Variants in MAGI2 observed in about 807,000 individuals in gnomAD.
The protein encoded by MAGI2 is membrane associated guanylate kinase, WW and PDZ domain containing 2, also known as membrane-associated guanylate kinase, WW and PDZ domain-containing protein 2.
MAGI2 carries 35 observed loss-of-function variants against 133.3 expected under a neutral mutation model. The ratio of observed to expected loss-of-function variants is 0.26; its 90% confidence interval spans 0.20 to 0.35. The LOEUF is 0.35. Among genes scored for constraint, MAGI2 ranks in the 10% least tolerant of loss-of-function variants. The probability of loss-of-function intolerance (pLI) is 1.00; values close to 1 mark genes in which losing one functional copy is unlikely to be tolerated. For missense variants in MAGI2, 1,636 were observed against 1,863.4 expected (o/e 0.88, Z 2.25); for synonymous variants, 729 against 710.6 (o/e 1.03, Z -0.41).
At chr7:78,590,371 G>A (rs900995631) in intron 3 of MAGI2, among the ~76,000 whole-genome samples, 1 of 152,176 alleles carries the variant, frequency 6.6e-6, no homozygotes, top group Non-Finnish European at 1.5e-5. Flanking sequence ...CATCAAGGAT[G>A]ACTGGCATAA....
chr7:78,808,063 G>A (rs37885), intron 2 of MAGI2, among the ~76,000 whole-genome samples: 52,459 of 151,770 alleles, frequency 0.35, 9,258 homozygotes, highest in East Asian at 0.52. Context: ...GTTAATGATC[G>A]ACTAAAAAGT....
intron 2 of MAGI2, among the ~76,000 whole-genome samples, chr7:78,891,020 A>G (rs1450479528): frequency 1.3e-5 from 2 of 152,192 alleles, no homozygotes; most frequent in East Asian, 3.8e-4. Flanking sequence ...AATCAAATAG[A>G]TGCAATAAAA....
At chr7:78,890,357 C>T (rs1410757779) in intron 2 of MAGI2, among the ~76,000 whole-genome samples, 1 of 152,192 alleles carries the variant, frequency 6.6e-6, no homozygotes, top group African/African-American at 2.4e-5. Context: ...GAATTGAACT[C>T]AGCTCTGCAC....
At chr7:78,923,201 G>C (rs1214404214) in intron 2 of MAGI2, among the ~76,000 whole-genome samples, 1 of 152,116 alleles carries the variant, frequency 6.6e-6, no homozygotes, top group East Asian at 1.9e-4. Flanking sequence ...AGTTTAATTA[G>C]ATCCCATTTG....
chr7:78,987,696 T>C (rs1282215894), intron 2 of MAGI2, among the ~76,000 whole-genome samples: 1 of 151,986 alleles, frequency 6.6e-6, no homozygotes. Flanking sequence ...TGAATAGCAA[T>C]AAGAATTTTA....
At chr7:78,157,098 C>T (rs1247925435) in intron 16 of MAGI2, among the ~76,000 whole-genome samples, 1 of 152,172 alleles carries the variant, frequency 6.6e-6, no homozygotes, top group Non-Finnish European at 1.5e-5. Flanking sequence ...TCAAAATTAT[C>T]ACAGATGTTA....
intron 2 of MAGI2, among the ~76,000 whole-genome samples, chr7:78,637,575 C>T (rs111410913): frequency 0.02 from 3,050 of 152,266 alleles, 42 homozygotes; most frequent in Middle Eastern, 0.082. Context: ...ATATACCAAG[C>T]TATCTGATTT....
At chr7:78,119,388 G>A (rs1442189127) in intron 20 of MAGI2, among the ~76,000 whole-genome samples, 3 of 151,684 alleles carry the variant, frequency 2.0e-5, no homozygotes, top group Non-Finnish European at 4.4e-5. Context: ...GTGAAACCCC[G>A]TCTCTACTAA....
intron 6 of MAGI2, among the ~76,000 whole-genome samples, chr7:78,456,218 T>A (rs1789307052): frequency 6.6e-6 from 1 of 151,940 alleles, no homozygotes; most frequent in Non-Finnish European, 1.5e-5. Flanking sequence ...TTATAAAGAG[T>A]GAGTTTTGTT....
chr7:78,968,668 A>C (rs76195100), intron 2 of MAGI2, among the ~76,000 whole-genome samples: 1 of 152,170 alleles, frequency 6.6e-6, no homozygotes, highest in African/African-American at 2.4e-5. Context: ...ACATTAAGCA[A>C]ATATGTTAAA....
At chr7:79,252,208 T>TGGTATATA (rs1833353512) in intron 1 of MAGI2, among the ~76,000 whole-genome samples, 1 of 149,088 alleles carries the variant, frequency 6.7e-6, no homozygotes, top group Non-Finnish European at 1.5e-5. Context: ...AAAGAAAATG[T>TGGTATATA]GGTATATATA....
At chr7:79,285,008 G>A (rs2129558291) in intron 1 of MAGI2, among the ~76,000 whole-genome samples, 1 of 151,958 alleles carries the variant, frequency 6.6e-6, no homozygotes, top group South Asian at 2.1e-4. Flanking sequence ...CTGTGAATTG[G>A]AATGAGAGAG....
intron 2 of MAGI2, among the ~76,000 whole-genome samples, chr7:78,800,587 G>A (rs899767733): frequency 2.0e-5 from 3 of 152,024 alleles, no homozygotes; most frequent in African/African-American, 7.2e-5. Context: ...GACAAAAATA[G>A]AACAATTTTT....
intron 2 of MAGI2, among the ~76,000 whole-genome samples, chr7:78,991,239 A>G: frequency 6.6e-6 from 1 of 151,278 alleles, no homozygotes; most frequent in Admixed American, 6.6e-5. Flanking sequence ...ACTGTGAGTC[A>G]ACTAAACCTT....
At chr7:78,792,485 A>G (rs1390604657) in intron 2 of MAGI2, among the ~76,000 whole-genome samples, 2 of 152,250 alleles carry the variant, frequency 1.3e-5, no homozygotes, top group African/African-American at 4.8e-5. Flanking sequence ...CAGGCTGGAA[A>G]TAAGTGTGAG....
intron 1 of MAGI2, among the ~76,000 whole-genome samples, chr7:79,192,718 A>G (rs1400386475): frequency 6.6e-6 from 1 of 151,888 alleles, no homozygotes; most frequent in Non-Finnish European, 1.5e-5. Flanking sequence ...ATAAAATAAG[A>G]GAGATACAAA....
At chr7:78,134,729 G>A (rs947820488) in intron 17 of MAGI2, 7 of 260,408 alleles carry the variant, frequency 2.7e-5, no homozygotes, top group South Asian at 1.1e-4. Context: ...CCATAAAAGT[G>A]GGGGCCCACA....
chr7:78,545,235 G>C (rs982766292), intron 3 of MAGI2, among the ~76,000 whole-genome samples: 8 of 52,632 alleles, frequency 1.5e-4, no homozygotes, highest in African/African-American at 5.8e-4. Flanking sequence ...TTTTTTTTTT[G>C]AGACAGTCTT....
At chr7:78,428,811 T>C (rs1449405539) in intron 6 of MAGI2, among the ~76,000 whole-genome samples, 1 of 152,194 alleles carries the variant, frequency 6.6e-6, no homozygotes, top group Non-Finnish European at 1.5e-5. Flanking sequence ...ACCAATGCTA[T>C]AGGTCGCTGC....
Sources: allele counts gnomAD v4.1 joint callset (sites outside exome capture counted in the v4.1 genomes callset), GRCh38; gene constraint gnomAD v4.1.1; transcripts MANE v1.5; gene names NCBI Gene and HGNC (gene_info 2026-07-23, HGNC 2026-07-21).